The following GFI1B variants were observed in gnomAD, a reference collection of about 807,000 sequenced individuals.
GFI1B encodes the protein growth factor independent 1B transcriptional repressor.
In GFI1B, 20 loss-of-function variants were observed where a neutral mutation model predicts 35.3. The observed-to-expected ratio is 0.57, with a 90% CI of 0.40 to 0.82. The LOEUF (loss-of-function observed/expected upper bound fraction) is 0.82, where lower values mean the gene tolerates loss of function less well. Ranked by LOEUF, GFI1B falls within the 40% of genes least tolerant of loss-of-function variation. The pLI, the probability that GFI1B is intolerant of heterozygous loss-of-function variation, is 0.00. For missense variants in GFI1B, 430 were observed against 446.3 expected (o/e 0.96, Z 0.33); for synonymous variants, 178 against 177.6 (o/e 1.00, Z -0.02).
chr9:132,990,442 TTCAC>T (rs1459297392), intron 6 of GFI1B, among the ~76,000 whole-genome samples: 1 of 151,676 alleles, frequency 6.6e-6, no homozygotes, highest in Non-Finnish European at 1.5e-5. Context: ...GATTCATTTG[TTCAC>T]TCATTCACTC....
At chr9:132,964,145 C>A (rs1848413225) in intron 1 of GFI1B, among the ~76,000 whole-genome samples, 1 of 152,154 alleles carries the variant, frequency 6.6e-6, no homozygotes, top group Non-Finnish European at 1.5e-5. Context: ...GAGGCTGAGG[C>A]AGGAAAATCG....
chr9:132,980,043 C>T (rs1465548597), intron 1 of GFI1B, among the ~76,000 whole-genome samples: 1 of 152,200 alleles, frequency 6.6e-6, no homozygotes, highest in Non-Finnish European at 1.5e-5. Flanking sequence ...GGAAGTATTG[C>T]AGAAGGAATT....
chr9:132,986,528 G>A, intron 1 of GFI1B, 131 bp from the exon 2 acceptor site: 1 of 689,508 alleles, frequency 1.5e-6, no homozygotes, highest in African/African-American at 1.8e-5. Context: ...CAGGTTCTGG[G>A]TGGACATGAA....
Position 132,989,207 on chromosome 9 carries a change from C to T in GFI1B, c.648+9C>T. 1.2e-6 allele frequency: 2 copies of T among 1,610,950 alleles called. No individual in the cohort carries two copies. Among genetic ancestry groups the T allele is most frequent in the South Asian group, 1.1e-5 (1 of 91,044 alleles). ...CGCACGTCCACTCCCAGGTGGGCAC[C>T]TGGCCCAGCGCAGGACTCCCAGCCC... On this transcript the variant is annotated intron_variant, in intron 5 of 6. Transcript: ENST00000372122. The surrounding 1 kb of genome is among the most constrained non-coding windows in gnomAD (Gnocchi z 6.2).
intron 1 of GFI1B, among the ~76,000 whole-genome samples, chr9:132,954,982 G>T (rs1271099802): frequency 6.6e-6 from 1 of 152,080 alleles, no homozygotes; most frequent in East Asian, 1.9e-4. Context: ...CTCCCAAACT[G>T]CTGGGATTAT....
chr9:132,965,628 A>G (rs1166804955), intron 1 of GFI1B, among the ~76,000 whole-genome samples: 1 of 152,210 alleles, frequency 6.6e-6, no homozygotes, highest in Non-Finnish European at 1.5e-5. Flanking sequence ...ACGGAGTGGG[A>G]GGCCCCATGA....
At chr9:132,976,070 C>T (rs113003454), upstream of GFI1B, among the ~76,000 whole-genome samples, 1,092 of 152,214 alleles carry the variant, frequency 7.2e-3, 14 homozygotes, top group Non-Finnish European at 0.011. Context: ...CAGTTACTCA[C>T]GGGGGAAGGT....
At chr9:132,974,323 C>A (rs1189430234), upstream of GFI1B, among the ~76,000 whole-genome samples, 6 of 152,076 alleles carry the variant, frequency 3.9e-5, no homozygotes. Context: ...GATGGCCAGG[C>A]GCGGTGGCTC....
At chr9:132,972,851 C>T (rs1200070028) in intron 2 of GFI1B, 1 of 152,160 alleles carries the variant, frequency 6.6e-6, no homozygotes, top group African/African-American at 2.4e-5. Context: ...CCAGCCCCGA[C>T]GACAGGCAGG....
chr9:132,960,555 G>A (rs1353853810), intron 1 of GFI1B, among the ~76,000 whole-genome samples: 1 of 151,852 alleles, frequency 6.6e-6, no homozygotes, highest in African/African-American at 2.4e-5. Flanking sequence ...GGAGTACAGT[G>A]GTGCGATCAT....
intron 1 of GFI1B, among the ~76,000 whole-genome samples, chr9:132,971,656 GAAAC>G (rs1302481291): frequency 6.6e-6 from 1 of 152,142 alleles, no homozygotes; most frequent in Non-Finnish European, 1.5e-5. Flanking sequence ...GACAGAGAAA[GAAAC>G]AAGAAAAATA....
intron 1 of GFI1B, among the ~76,000 whole-genome samples, chr9:132,970,755 T>C (rs1181563229): frequency 6.6e-6 from 1 of 152,152 alleles, no homozygotes; most frequent in East Asian, 1.9e-4. Flanking sequence ...CAGGGTAAGC[T>C]TCAACAAACT....
chr9:132,986,539 C>T (rs543669543), intron 1 of GFI1B, 120 bp from the exon 2 acceptor site: 1 of 696,916 alleles, frequency 1.4e-6, no homozygotes, highest in Non-Finnish European at 2.6e-6. Context: ...TGGACATGAA[C>T]TTTGGGGGCC....
At chr9:132,982,755 T>G (rs1273077569) in intron 1 of GFI1B, among the ~76,000 whole-genome samples, 1 of 150,994 alleles carries the variant, frequency 6.6e-6, no homozygotes, top group Non-Finnish European at 1.5e-5. Context: ...ACCGGGTGCA[T>G]TTGGCCCCTC....
chr9:132,974,772 C>G (rs1848596762), upstream of GFI1B, among the ~76,000 whole-genome samples: 1 of 150,556 alleles, frequency 6.6e-6, no homozygotes, highest in Non-Finnish European at 1.5e-5. Flanking sequence ...CCGCTAAGAC[C>G]TGGATGACAA....
upstream of GFI1B, among the ~76,000 whole-genome samples, chr9:132,978,338 A>G (rs1848694172): frequency 6.8e-6 from 1 of 147,224 alleles, no homozygotes; most frequent in Admixed American, 6.8e-5. Flanking sequence ...GGCAAGAGAA[A>G]AGAAAGAAGA....
chr9:132,988,122 A>C lies in GFI1B; in HGVS notation c.239-75A>C, dbSNP rs1019981724. On this transcript the variant is annotated intron_variant, in intron 3 of 6. Transcript: ENST00000372122. Reference sequence around the variant, plus strand: ...CAGCCTCCCAAAGTGCTGGAATTGCAGGCATGAGCCACGCCACTGTGCCCA... The same window carrying C: ...CAGCCTCCCAAAGTGCTGGAATTGCCGGCATGAGCCACGCCACTGTGCCCA... The C allele has an allele frequency of 2.2e-6, 3 of 1,381,820 alleles. No individual in the cohort carries two copies. In the African/African-American group the frequency reaches 4.3e-5, roughly 20 times the overall value. The allele number at this position is 1,381,820 out of a possible 1,614,324, so 85.6% of individuals were successfully genotyped here.
intron 1 of GFI1B, chr9:132,962,671 A>G: frequency 2.1e-6 from 1 of 483,822 alleles, no homozygotes; most frequent in South Asian, 1.6e-5. Context: ...TCTATAAGGA[A>G]TTACACATGA....
rs923337844 is a variant in GFI1B at position 132,985,137 on chromosome 9, G to C, written c.-20-1522G>C. On this transcript the variant is annotated intron_variant, in intron 1 of 6. Transcript: ENST00000372122. ...GTGTCGGCCTGGGTGCAGCGTGGGG[G>C]CAGAAAGGATAGAGGACCACCAGAA... Among the ~76,000 whole-genome samples, 78 of 152,334 alleles carry C rather than the reference G, an allele frequency of 5.1e-4. 1 individual carries two copies. The highest frequency in any genetic ancestry group is 1.8e-3 in the African/African-American group (75 of 41,562).
Sources: allele counts gnomAD v4.1 joint callset (sites outside exome capture counted in the v4.1 genomes callset), GRCh38; gene constraint gnomAD v4.1.1; non-coding constraint Gnocchi (gnomAD v3.1); transcripts MANE v1.5; gene names NCBI Gene and HGNC (gene_info 2026-07-23, HGNC 2026-07-21).